Variants in FAM200B observed in about 807,000 individuals in gnomAD.
FAM200B encodes zinc finger BED-type containing 11, also known as protein FAM200B.
A neutral mutation model predicts 33.1 loss-of-function variants in FAM200B; 32 were observed. The observed-to-expected ratio is 0.97, with a 90% confidence interval of 0.73 to 1.30. The LOEUF is 1.30. Among genes scored for constraint, FAM200B ranks in the 50% most tolerant of loss-of-function variants. FAM200B has a pLI of 0.00. For missense variants in FAM200B, 741 were observed against 754.0 expected, an observed-to-expected ratio of 0.98 and a Z score of 0.20; for synonymous variants, 240 against 264.8, an observed-to-expected ratio of 0.91 and a Z score of 0.91.
At chr4:15,665,023 T>A in the FAM200B span, among the ~76,000 whole-genome samples, 1 of 152,296 alleles carries the variant, frequency 6.6e-6, no homozygotes, top group Admixed American at 6.5e-5. Context: ...AAAGGGCTTC[T>A]GAATTATCAG....
the FAM200B span, among the ~76,000 whole-genome samples, chr4:15,675,581 T>C: frequency 1.4e-5 from 2 of 145,108 alleles, no homozygotes; most frequent in Admixed American, 7.0e-5. Flanking sequence ...TATTTTTTTT[T>C]TTTTTTTTTT....
intron 1 of FAM200B, among the ~76,000 whole-genome samples, chr4:15,683,560 A>G (rs1006654740): frequency 6.6e-6 from 1 of 152,246 alleles, no homozygotes; most frequent in Non-Finnish European, 1.5e-5. Context: ...ATCCATATAT[A>G]GTAATATAAA....
At chr4:15,657,923 C>G in the FAM200B span, among the ~76,000 whole-genome samples, 1 of 152,222 alleles carries the variant, frequency 6.6e-6, no homozygotes, top group African/African-American at 2.4e-5. Flanking sequence ...AACAGACCAT[C>G]TAGCAATTGA....
At chr4:15,679,803 G>C (rs1390105660), upstream of FAM200B, among the ~76,000 whole-genome samples, 1 of 150,000 alleles carries the variant, frequency 6.7e-6, no homozygotes, top group Non-Finnish European at 1.5e-5. Flanking sequence ...TCTCTTCTCT[G>C]CTGATAGGAG....
At chr4:15,662,998 G>A in the FAM200B span, among the ~76,000 whole-genome samples, 1 of 152,150 alleles carries the variant, frequency 6.6e-6, no homozygotes, top group Admixed American at 6.5e-5. Flanking sequence ...GAGTAAATAA[G>A]AAATGGTTGT....
chr4:15,644,536 G>C, the FAM200B span: 24 of 1,613,812 alleles, frequency 1.5e-5, no homozygotes, highest in Middle Eastern at 8.2e-4. Flanking sequence ...AAGCATCTCG[G>C]AGAGTTTATT....
the FAM200B span, among the ~76,000 whole-genome samples, chr4:15,673,831 G>A: frequency 3.7e-4 from 56 of 152,238 alleles, 1 homozygote; most frequent in Non-Finnish European, 3.2e-4. Context: ...ATTCCACTAG[G>A]CTGCATATGT....
chr4:15,677,864 A>G (rs1400080651), upstream of FAM200B, among the ~76,000 whole-genome samples: 1 of 152,198 alleles, frequency 6.6e-6, no homozygotes, highest in Non-Finnish European at 1.5e-5. Context: ...AAGAAGTCCA[A>G]GTAGGTTGGG....
At chr4:15,673,134 A>G in the FAM200B span, among the ~76,000 whole-genome samples, 4 of 152,154 alleles carry the variant, frequency 2.6e-5, no homozygotes, top group Non-Finnish European at 5.9e-5. Context: ...ACATAGGTAG[A>G]AAAAGTATAC....
At chr4:15,642,365 T>C in the FAM200B span, among the ~76,000 whole-genome samples, 1 of 151,982 alleles carries the variant, frequency 6.6e-6, no homozygotes. Context: ...CCTGAGTAGC[T>C]GGGACTACAG....
chr4:15,641,222 T>C, the FAM200B span, among the ~76,000 whole-genome samples: 49 of 152,282 alleles, frequency 3.2e-4, no homozygotes, highest in Non-Finnish European at 7.4e-5. Flanking sequence ...TAATGGACTG[T>C]ATCATTACAG....
chr4:15,662,473 T>G, the FAM200B span, among the ~76,000 whole-genome samples: 1 of 152,204 alleles, frequency 6.6e-6, no homozygotes, highest in Non-Finnish European at 1.5e-5. Context: ...CCTGGCATAT[T>G]AAGCATTCAA....
At chr4:15,640,393 G>GGA in the FAM200B span, among the ~76,000 whole-genome samples, 4 of 91,604 alleles carry the variant, frequency 4.4e-5, no homozygotes, top group East Asian at 1.2e-3. Flanking sequence ...CTACACTACT[G>GGA]AAAAAAAAAA....
chr4:15,669,727 T>A, the FAM200B span, among the ~76,000 whole-genome samples: 7 of 152,210 alleles, frequency 4.6e-5, no homozygotes, highest in Non-Finnish European at 1.0e-4. Context: ...TACTCAATAC[T>A]AGTTGGTCAG....
chr4:15,637,902 T>TA, the FAM200B span, among the ~76,000 whole-genome samples: 47 of 144,846 alleles, frequency 3.2e-4, no homozygotes, highest in Middle Eastern at 3.6e-3. Flanking sequence ...CTAGTTTTTT[T>TA]AAAAAAAAAA....
the FAM200B span, among the ~76,000 whole-genome samples, chr4:15,639,303 T>A: frequency 6.6e-6 from 1 of 152,256 alleles, no homozygotes; most frequent in Admixed American, 6.5e-5. Flanking sequence ...TTCTGTTAGA[T>A]GTTTAGGTCA....
At chr4:15,649,038 C>A in the FAM200B span, among the ~76,000 whole-genome samples, 2 of 151,530 alleles carry the variant, frequency 1.3e-5, no homozygotes, top group Non-Finnish European at 2.9e-5. Flanking sequence ...ATCAACAGAT[C>A]AACAGATCAA....
chr4:15,659,222 G>A, the FAM200B span, among the ~76,000 whole-genome samples: 2 of 152,112 alleles, frequency 1.3e-5, no homozygotes, highest in South Asian at 2.1e-4. Context: ...ACAAGTAGTA[G>A]GCATACATAG....
the FAM200B span, among the ~76,000 whole-genome samples, chr4:15,670,370 A>G: frequency 6.6e-6 from 1 of 152,226 alleles, no homozygotes; most frequent in African/African-American, 2.4e-5. Context: ...TCCGTTTTGC[A>G]TTCTTCATCC....
Sources: gnomAD v4.1 joint callset for allele counts (sites outside exome capture counted in the v4.1 genomes callset) on GRCh38, gnomAD v4.1.1 for gene constraint, MANE v1.5 for transcripts, NCBI Gene and HGNC (gene_info 2026-07-23, HGNC 2026-07-21) for gene names.